Variants in GRM8 observed in about 807,000 individuals in gnomAD.
The protein encoded by GRM8 is metabotropic glutamate receptor 8.
In GRM8, 47 loss-of-function variants were observed where a neutral mutation model predicts 87.2. That is an observed-to-expected ratio of 0.54 (90% CI 0.43 to 0.69). The LOEUF is 0.69. Among genes scored for constraint, GRM8 ranks in the 30% least tolerant of loss-of-function variants. The pLI, the probability that GRM8 is intolerant of heterozygous loss-of-function variation, is 0.00. For missense variants in GRM8, 1,019 were observed against 1,139.2 expected (o/e 0.89, Z 1.52); for synonymous variants, 396 against 404.5 (o/e 0.98, Z 0.25).
chr7:127,101,328 C>T (rs2133030368), intron 3 of GRM8, among the ~76,000 whole-genome samples: 1 of 152,154 alleles, frequency 6.6e-6, no homozygotes, highest in South Asian at 2.1e-4. Context: ...TGATAGATCC[C>T]CCTCTCCTCA....
At chr7:126,970,957 T>C (rs1192717205) in intron 3 of GRM8, among the ~76,000 whole-genome samples, 2 of 152,006 alleles carry the variant, frequency 1.3e-5, no homozygotes, top group Non-Finnish European at 1.5e-5. Context: ...ATATAACATT[T>C]TTCAATCAAG....
At chr7:126,469,145 A>G (rs1206715769) in intron 9 of GRM8, among the ~76,000 whole-genome samples, 1 of 152,036 alleles carries the variant, frequency 6.6e-6, no homozygotes, top group Non-Finnish European at 1.5e-5. Context: ...TTCCTCACAT[A>G]CCTACATTTT....
At chr7:127,031,935 T>A (rs1353440636) in intron 3 of GRM8, among the ~76,000 whole-genome samples, 2 of 152,150 alleles carry the variant, frequency 1.3e-5, no homozygotes. Flanking sequence ...CTAGACCTTC[T>A]ATTTTCTCCT....
chr7:126,545,499 A>G (rs1156745327), intron 8 of GRM8, among the ~76,000 whole-genome samples: 2 of 152,232 alleles, frequency 1.3e-5, no homozygotes, highest in African/African-American at 4.8e-5. Flanking sequence ...TCCTTCAAAA[A>G]AATATTTTCA....
intron 2 of GRM8, among the ~76,000 whole-genome samples, chr7:127,146,718 G>C (rs902649445): frequency 6.6e-6 from 1 of 151,962 alleles, no homozygotes; most frequent in African/African-American, 2.4e-5. Context: ...ACACAGCTAA[G>C]GCTACTAATC....
intron 8 of GRM8, among the ~76,000 whole-genome samples, chr7:126,552,018 G>A (rs1019808926): frequency 1.3e-5 from 2 of 151,954 alleles, no homozygotes; most frequent in African/African-American, 4.8e-5. Flanking sequence ...CTCAATTTTT[G>A]TATTCATCTT....
rs1029943103 is a variant in GRM8, at chr7:127,041,041, A to G, written c.727+65455T>C. On this transcript the variant is annotated intron_variant, in intron 3 of 10. Coordinates refer to ENST00000339582, the MANE Select transcript of GRM8 (RefSeq NM_000845.3). The stretch of plus-strand genomic sequence containing the variant: ...AAATAAATAATGGCAAACGCATTGA[A>G]TTAGAGTTTTATAGTGATTAATAAT... 9.2e-5 allele frequency among the ~76,000 whole-genome samples: 14 copies of G among 152,356 alleles called. 1 individual carries two copies. Among genetic ancestry groups the G allele is most frequent in the Admixed American group, 5.2e-4 (8 of 15,300 alleles).
intron 3 of GRM8, among the ~76,000 whole-genome samples, chr7:127,091,846 C>T (rs1241266940): frequency 2.0e-5 from 2 of 99,062 alleles, no homozygotes; most frequent in East Asian, 3.4e-4. Flanking sequence ...ACCCCCCGGC[C>T]GTCCCGCCAA....
At chr7:126,463,831 C>G (rs1804177820) in intron 9 of GRM8, among the ~76,000 whole-genome samples, 1 of 151,582 alleles carries the variant, frequency 6.6e-6, no homozygotes, top group African/African-American at 2.4e-5. Context: ...CTGCCTGTAA[C>G]CAACTTCTTT....
intron 2 of GRM8, among the ~76,000 whole-genome samples, chr7:127,232,396 A>G (rs898984188): frequency 1.3e-5 from 2 of 151,938 alleles, no homozygotes; most frequent in East Asian, 3.9e-4. Flanking sequence ...ACACCCAGCT[A>G]ATTCTTGTAT....
chr7:126,573,139 G>A (rs1794822555), intron 8 of GRM8, among the ~76,000 whole-genome samples: 1 of 152,128 alleles, frequency 6.6e-6, no homozygotes, highest in Admixed American at 6.6e-5. Context: ...TTTTGAAGTG[G>A]GAAATGGAAT....
intron 6 of GRM8, among the ~76,000 whole-genome samples, chr7:126,865,910 T>C (rs1262854065): frequency 6.6e-6 from 1 of 152,210 alleles, no homozygotes; most frequent in Non-Finnish European, 1.5e-5. Flanking sequence ...AATTTTTGTG[T>C]GTATGTGTGG....
intron 6 of GRM8, among the ~76,000 whole-genome samples, chr7:126,873,892 G>GT (rs1435674360): frequency 1.3e-5 from 2 of 151,972 alleles, no homozygotes; most frequent in African/African-American, 4.8e-5. Context: ...ACATTCAATT[G>GT]TTTTTTAAAT....
chr7:126,996,207 G>A (rs1403141889), intron 3 of GRM8, among the ~76,000 whole-genome samples: 1 of 152,038 alleles, frequency 6.6e-6, no homozygotes, highest in Non-Finnish European at 1.5e-5. Flanking sequence ...AGGTTAATGG[G>A]AGTTCTTCAA....
At chr7:126,578,602 G>A (rs560398643) in intron 8 of GRM8, among the ~76,000 whole-genome samples, 1 of 152,134 alleles carries the variant, frequency 6.6e-6, no homozygotes, top group Admixed American at 6.5e-5. Context: ...GCCACTAAGG[G>A]AGCAGCAGCA....
chr7:126,964,641 T>C (rs1270172540), intron 3 of GRM8, among the ~76,000 whole-genome samples: 1 of 152,136 alleles, frequency 6.6e-6, no homozygotes, highest in Non-Finnish European at 1.5e-5. Context: ...ATGGCAATCA[T>C]TAAAAAGTCA....
chr7:127,101,850 A>T (rs1245528962), intron 3 of GRM8, among the ~76,000 whole-genome samples: 1 of 152,168 alleles, frequency 6.6e-6, no homozygotes, highest in Non-Finnish European at 1.5e-5. Flanking sequence ...AAGAGTTTGG[A>T]GGGCTCAGAA....
intron 6 of GRM8, among the ~76,000 whole-genome samples, chr7:126,824,153 G>A (rs946800764): frequency 6.6e-6 from 1 of 152,036 alleles, no homozygotes; most frequent in African/African-American, 2.4e-5. Flanking sequence ...GGTCATCACT[G>A]TTATTATTAT....
chr7:126,815,056 A>C (rs1793657395), intron 6 of GRM8, among the ~76,000 whole-genome samples: 1 of 152,116 alleles, frequency 6.6e-6, no homozygotes, highest in Non-Finnish European at 1.5e-5. Flanking sequence ...TTCACTGGAC[A>C]ATGGGCCAAT....
Sources: allele counts gnomAD v4.1 joint callset (sites outside exome capture counted in the v4.1 genomes callset), GRCh38; gene constraint gnomAD v4.1.1; transcripts MANE v1.5; gene names NCBI Gene and HGNC (gene_info 2026-07-23, HGNC 2026-07-21).